The following LRRTM4 variants were observed in gnomAD, a reference collection of about 807,000 sequenced individuals.
LRRTM4 encodes the protein leucine rich repeat transmembrane neuronal 4.
In LRRTM4, 25 loss-of-function variants were observed where a neutral mutation model predicts 47.6. The observed-to-expected ratio is 0.53, with a 90% CI of 0.38 to 0.73. The LOEUF (loss-of-function observed/expected upper bound fraction) is 0.73, where lower values mean the gene tolerates loss of function less well. LRRTM4 is among the 30% of genes least tolerant of loss of function. LRRTM4 has a pLI of 0.00. For synonymous variants in LRRTM4, 311 were observed against 269.5 expected (o/e 1.15, Z -1.51); for missense variants, 638 against 713.4 (o/e 0.89, Z 1.20).
chr2:76,843,559 A>T (rs1671749733), intron 3 of LRRTM4, among the ~76,000 whole-genome samples: 1 of 152,224 alleles, frequency 6.6e-6, no homozygotes, highest in Non-Finnish European at 1.5e-5. Flanking sequence ...AATATTTCAT[A>T]ATAACAATAA....
At chr2:77,108,730 C>T (rs1441545906) in intron 3 of LRRTM4, among the ~76,000 whole-genome samples, 1 of 151,652 alleles carries the variant, frequency 6.6e-6, no homozygotes. Context: ...ACTACAGGCG[C>T]CCGCCACCAC....
chr2:77,302,659 G>C (rs1380278302), intron 3 of LRRTM4, among the ~76,000 whole-genome samples: 1 of 152,164 alleles, frequency 6.6e-6, no homozygotes. Flanking sequence ...CAACAGCAGA[G>C]GTATTTGTGC....
At chr2:77,433,540 G>T (rs578150092) in intron 3 of LRRTM4, among the ~76,000 whole-genome samples, 1 of 152,198 alleles carries the variant, frequency 6.6e-6, no homozygotes, top group South Asian at 2.1e-4. Flanking sequence ...TATAAAGTTT[G>T]CTTATTATGA....
chr2:76,972,545 G>A (rs1676257421), intron 3 of LRRTM4, among the ~76,000 whole-genome samples: 1 of 150,416 alleles, frequency 6.6e-6, no homozygotes, highest in Admixed American at 6.7e-5. Context: ...AGCCTCCTGA[G>A]TAGCTGGGAC....
intron 3 of LRRTM4, among the ~76,000 whole-genome samples, chr2:77,509,321 T>G (rs1361006816): frequency 1.3e-5 from 2 of 151,976 alleles, no homozygotes; most frequent in Non-Finnish European, 2.9e-5. Flanking sequence ...GATAGGGAAT[T>G]TATAAGTTGT....
At chr2:76,954,176 A>G (rs1378657764) in intron 3 of LRRTM4, among the ~76,000 whole-genome samples, 6 of 151,884 alleles carry the variant, frequency 4.0e-5, no homozygotes, top group Non-Finnish European at 8.8e-5. Flanking sequence ...ACGGCATGTA[A>G]AGAAATAGAA....
At chr2:77,493,012 C>T (rs1678225477) in intron 3 of LRRTM4, among the ~76,000 whole-genome samples, 1 of 151,960 alleles carries the variant, frequency 6.6e-6, no homozygotes, top group African/African-American at 2.4e-5. Context: ...TAAATCAATA[C>T]ATACAGCCAA....
chr2:77,453,533 A>C (rs182908062), intron 3 of LRRTM4, among the ~76,000 whole-genome samples: 2 of 152,272 alleles, frequency 1.3e-5, no homozygotes. Context: ...ATTGGATAGA[A>C]AAATTCATTT....
intron 3 of LRRTM4, among the ~76,000 whole-genome samples, chr2:76,835,575 G>C (rs548833008): frequency 6.6e-6 from 1 of 152,004 alleles, no homozygotes; most frequent in Non-Finnish European, 1.5e-5. Flanking sequence ...CAAAATAAAT[G>C]CTCTGATCAT....
chr2:77,234,324 G>A (rs565184480), intron 3 of LRRTM4, among the ~76,000 whole-genome samples: 20 of 152,238 alleles, frequency 1.3e-4, no homozygotes, highest in Admixed American at 3.3e-4. Context: ...AGAGACTAAA[G>A]GGGTTGATTT....
chr2:77,083,799 T>G (rs1297855453), intron 3 of LRRTM4, among the ~76,000 whole-genome samples: 5 of 102,202 alleles, frequency 4.9e-5, no homozygotes, highest in African/African-American at 1.2e-4. Flanking sequence ...TTTTTTTTTT[T>G]TTTTTTTTTT....
intron 3 of LRRTM4, among the ~76,000 whole-genome samples, chr2:77,430,015 G>T (rs946028322): frequency 6.6e-6 from 1 of 152,014 alleles, no homozygotes; most frequent in African/African-American, 2.4e-5. Flanking sequence ...GCAGTGAGCT[G>T]CAATTCTGCC....
At chr2:77,029,071 A>AATATATATATATTATATATATATT (rs1678558289) in intron 3 of LRRTM4, among the ~76,000 whole-genome samples, 1 of 138,848 alleles carries the variant, frequency 7.2e-6, no homozygotes, top group Non-Finnish European at 1.6e-5. Flanking sequence ...ATATATATAT[A>AATATATATATATTATATATATATT]ATATATATAT....
In LRRTM4 at chr2:77,515,625, C is replaced by T. The variant is rs536919163; in HGVS notation, c.1551+2693G>A. On this transcript the variant is annotated intron_variant, in intron 3 of 3. Coordinates refer to ENST00000409884, the MANE Select transcript of LRRTM4 (RefSeq NM_001134745.3). The stretch of plus-strand genomic sequence containing the variant: ...TTTTTTTTTAAAAAAACCTACCTCA[C>T]AAAAATGTCTTATAAATATATTAAT... 4.6e-5 allele frequency among the ~76,000 whole-genome samples: 7 copies of T among 151,602 alleles called. No individual in the cohort carries two copies. In the East Asian group the frequency reaches 7.8e-4, roughly 17 times the overall value.
At chr2:77,489,037 T>A (rs976747426) in intron 3 of LRRTM4, among the ~76,000 whole-genome samples, 1 of 136,278 alleles carries the variant, frequency 7.3e-6, no homozygotes, top group Non-Finnish European at 1.7e-5. Context: ...ATGAAAAAAA[T>A]AAAATAAAAT....
intron 3 of LRRTM4, among the ~76,000 whole-genome samples, chr2:76,827,720 T>C (rs1671227394): frequency 1.3e-5 from 2 of 151,884 alleles, no homozygotes; most frequent in Admixed American, 6.6e-5. Context: ...ACTGATAAGA[T>C]TACAAATACA....
chr2:77,446,891 TA>T (rs1676074503), intron 3 of LRRTM4, among the ~76,000 whole-genome samples: 1 of 152,116 alleles, frequency 6.6e-6, no homozygotes, highest in Admixed American at 6.6e-5. Flanking sequence ...TATCCAAAAT[TA>T]TGGAAACATG....
chr2:76,824,697 G>C (rs994373218), intron 3 of LRRTM4, among the ~76,000 whole-genome samples: 1 of 150,454 alleles, frequency 6.6e-6, no homozygotes, highest in African/African-American at 2.5e-5. Flanking sequence ...ATACTGATTT[G>C]AAACACCGCA....
intron 3 of LRRTM4, among the ~76,000 whole-genome samples, chr2:77,283,747 C>T (rs1271693956): frequency 1.3e-5 from 2 of 151,994 alleles, no homozygotes; most frequent in African/African-American, 2.4e-5. Flanking sequence ...CGCATGTTCT[C>T]AATTATAAAT....
Sources: allele counts gnomAD v4.1 joint callset (sites outside exome capture counted in the v4.1 genomes callset), GRCh38; gene constraint gnomAD v4.1.1; transcripts MANE v1.5; gene names NCBI Gene and HGNC (gene_info 2026-07-23, HGNC 2026-07-21).